Variants in LUZP1 observed in about 807,000 individuals in gnomAD.
LUZP1 encodes the protein filamin mechanobinding actin cross-linking protein.
A neutral mutation model predicts 71.3 loss-of-function variants in LUZP1; 25 were observed. The observed-to-expected ratio is 0.35, with a 90% CI of 0.26 to 0.49. The LOEUF (loss-of-function observed/expected upper bound fraction) is 0.49, where lower values mean the gene tolerates loss of function less well. Among genes scored for constraint, LUZP1 ranks in the 20% least tolerant of loss-of-function variants. The pLI is 0.99. For missense variants in LUZP1, 1,142 were observed against 1,300.8 expected (o/e 0.88, Z 1.88); for synonymous variants, 481 against 506.4 (o/e 0.95, Z 0.67).
intron 2 of LUZP1, among the ~76,000 whole-genome samples, chr1:23,152,301 G>A (rs1174911761): frequency 1.3e-5 from 2 of 152,066 alleles, no homozygotes; most frequent in Non-Finnish European, 2.9e-5. Context: ...GGTTTGAAAC[G>A]TACTGTATTT....
chr1:23,099,511 T>G (rs1384669271), intron 3 of LUZP1, among the ~76,000 whole-genome samples: 1 of 152,218 alleles, frequency 6.6e-6, no homozygotes. Flanking sequence ...TAGCATTCTC[T>G]CAGCACATCT....
intron 3 of LUZP1, among the ~76,000 whole-genome samples, chr1:23,106,486 T>TC (rs1403514802): frequency 1.3e-5 from 2 of 152,012 alleles, no homozygotes; most frequent in African/African-American, 2.4e-5. Flanking sequence ...GCACCTGTAG[T>TC]CCCAGCTTCT....
intron 2 of LUZP1, among the ~76,000 whole-genome samples, chr1:23,117,507 T>TGGG (rs1215139251): frequency 1.3e-4 from 3 of 23,088 alleles, no homozygotes; most frequent in Non-Finnish European, 2.0e-4. Flanking sequence ...CAGGAAGCCC[T>TGGG]GGGGGGGGGG....
At chr1:23,135,644 G>A (rs141304757) in intron 2 of LUZP1, among the ~76,000 whole-genome samples, 56 of 152,228 alleles carry the variant, frequency 3.7e-4, no homozygotes, top group South Asian at 6.2e-4. Context: ...ACATTGGACC[G>A]GAGTTGCTGT....
intron 3 of LUZP1, among the ~76,000 whole-genome samples, chr1:23,107,363 A>C (rs1393137081): frequency 6.6e-6 from 1 of 152,194 alleles, no homozygotes; most frequent in Non-Finnish European, 1.5e-5. Flanking sequence ...TCCACCCATT[A>C]GAATATAATC....
At chr1:23,086,703 A>C (rs1366384516) in exon 5 of LUZP1, 1 of 152,668 alleles carries the variant, frequency 6.6e-6, no homozygotes, top group Non-Finnish European at 1.5e-5. Flanking sequence ...GGAGAATGGC[A>C]GGGAGGCTGC....
intron 2 of LUZP1, among the ~76,000 whole-genome samples, chr1:23,116,289 G>A (rs1184965611): frequency 6.6e-6 from 1 of 152,196 alleles, no homozygotes; most frequent in Non-Finnish European, 1.5e-5. Flanking sequence ...GCTGAAGTGG[G>A]AGGATCACTT....
intron 4 of LUZP1, among the ~76,000 whole-genome samples, chr1:23,089,420 G>A (rs919303118): frequency 1.3e-5 from 2 of 152,148 alleles, no homozygotes; most frequent in Non-Finnish European, 2.9e-5. Flanking sequence ...TGATTCTGGG[G>A]ATGAGGTCCA....
intron 2 of LUZP1, among the ~76,000 whole-genome samples, chr1:23,150,936 C>T (rs140287149): frequency 3.0e-4 from 45 of 152,210 alleles, no homozygotes; most frequent in Admixed American, 7.8e-4. Flanking sequence ...TTTTTAATAA[C>T]GATTTGTTGT....
chr1:23,113,112 T>C (rs562442722), intron 2 of LUZP1, among the ~76,000 whole-genome samples: 1 of 152,256 alleles, frequency 6.6e-6, no homozygotes, highest in East Asian at 1.9e-4. Context: ...AGAAAAAGCA[T>C]CTGGACACGG....
chr1:23,121,399 T>G (rs967086065), intron 2 of LUZP1, among the ~76,000 whole-genome samples: 1 of 152,210 alleles, frequency 6.6e-6, no homozygotes. Flanking sequence ...TAGAAATTTA[T>G]ATAAAGTCTT....
chr1:23,087,678 C>G (rs1268503652), exon 5 of LUZP1: 3 of 152,632 alleles, frequency 2.0e-5, no homozygotes, highest in African/African-American at 7.2e-5. Flanking sequence ...CAATTCTTTT[C>G]AACTTCCCCA....
chr1:23,159,619 A>G (rs943747002), intron 2 of LUZP1, among the ~76,000 whole-genome samples: 2 of 152,240 alleles, frequency 1.3e-5, no homozygotes, highest in Admixed American at 1.3e-4. Context: ...ATATTTGTTG[A>G]GTGAATGAGT....
intron 2 of LUZP1, among the ~76,000 whole-genome samples, chr1:23,148,881 TCAAGAC>T (rs967059683): frequency 2.3e-4 from 34 of 144,824 alleles, no homozygotes; most frequent in South Asian, 2.1e-4. Context: ...TCCCAGGAGT[TCAAGAC>T]CAGCCTAGGA....
intron 3 of LUZP1, among the ~76,000 whole-genome samples, chr1:23,106,415 G>C (rs373301722): frequency 6.6e-6 from 1 of 152,052 alleles, no homozygotes; most frequent in Admixed American, 6.6e-5. Flanking sequence ...GACCAGCCTC[G>C]GCAACATGGT....
At chr1:23,137,610 C>G (rs1475950871) in intron 2 of LUZP1, among the ~76,000 whole-genome samples, 1 of 151,868 alleles carries the variant, frequency 6.6e-6, no homozygotes, top group Non-Finnish European at 1.5e-5. Context: ...CACTGCACTC[C>G]AGCCTGGGCG....
chr1:23,094,390 G>A lies in LUZP1; in HGVS notation c.-119-10C>T. On this transcript the variant is annotated splice_polypyrimidine_tract_variant and intron_variant, in intron 3 of 4. Transcript: ENST00000302291. The surrounding 1 kb of genome is among the most constrained non-coding windows in gnomAD (Gnocchi z 4.7). ...GGAGACCATCATCAATCTACAAAAG[G>A]AAAGTAGAAAGCATGTCAGTCAGCA... is the stretch of plus-strand genomic sequence containing the variant. 1 of 1,438,484 alleles carries A rather than the reference G, an allele frequency of 7.0e-7. No homozygotes were observed. The highest frequency in any genetic ancestry group is 9.1e-7 in the Non-Finnish European group (1 of 1,101,464). The allele number at this position is 1,438,484 out of a possible 1,614,324, so 89.1% of individuals were successfully genotyped here. A position where few individuals can be genotyped will look rare whatever the true frequency, so the allele number is the denominator to read the frequency against.
At chr1:23,117,527 G>T (rs1257522946) in intron 2 of LUZP1, among the ~76,000 whole-genome samples, 2 of 118,540 alleles carry the variant, frequency 1.7e-5, no homozygotes, top group African/African-American at 6.7e-5. Context: ...GGCGGGGGGG[G>T]GGAACACCTT....
chr1:23,114,392 T>C (rs1299486636), intron 2 of LUZP1, among the ~76,000 whole-genome samples: 1 of 152,082 alleles, frequency 6.6e-6, no homozygotes, highest in Non-Finnish European at 1.5e-5. Flanking sequence ...AAAGCCAACA[T>C]GGTAAACAGG....
Sources: gnomAD v4.1 joint callset for allele counts (sites outside exome capture counted in the v4.1 genomes callset) on GRCh38, gnomAD v4.1.1 for gene constraint, Gnocchi (gnomAD v3.1) non-coding constraint, MANE v1.5 for transcripts, NCBI Gene and HGNC (gene_info 2026-07-23, HGNC 2026-07-21) for gene names.